The following HS3ST5 variants were observed in gnomAD, a reference collection of about 807,000 sequenced individuals.
HS3ST5 encodes heparan sulfate-glucosamine 3-sulfotransferase 5, also known as heparan sulfate glucosamine 3-O-sulfotransferase 5.
Under a neutral mutation model 25.4 loss-of-function variants are expected in HS3ST5, and 10 were observed. The observed-to-expected ratio is 0.39, with a 90% CI of 0.24 to 0.67. HS3ST5 has a LOEUF of 0.67. Among genes scored for constraint, HS3ST5 ranks in the 30% least tolerant of loss-of-function variants. The probability of loss-of-function intolerance (pLI) is 0.44; values close to 1 mark genes in which losing one functional copy is unlikely to be tolerated. For synonymous variants in HS3ST5, 170 were observed against 162.4 expected, an observed-to-expected ratio of 1.05 and a Z score of -0.36; for missense variants, 324 against 420.7, an observed-to-expected ratio of 0.77 and a Z score of 2.01.
intron 3 of HS3ST5, among the ~76,000 whole-genome samples, chr6:114,065,451 G>A (rs1242033511): frequency 6.6e-6 from 1 of 152,204 alleles, no homozygotes; most frequent in East Asian, 1.9e-4. Flanking sequence ...CTGTGTTCAA[G>A]TCCCCCAATT....
intron 1 of HS3ST5, among the ~76,000 whole-genome samples, chr6:114,240,029 C>T (rs1772036724): frequency 6.6e-6 from 1 of 151,734 alleles, no homozygotes; most frequent in African/African-American, 2.4e-5. Flanking sequence ...CACACACACA[C>T]ACACACCGCT....
At chr6:114,146,544 G>A (rs1778170581) in intron 3 of HS3ST5, among the ~76,000 whole-genome samples, 4 of 152,164 alleles carry the variant, frequency 2.6e-5, no homozygotes, top group Admixed American at 2.6e-4. Context: ...TGTCCACCAG[G>A]GTCTAAGCAG....
chr6:114,255,103 G>C (rs1772845157), intron 1 of HS3ST5, among the ~76,000 whole-genome samples: 1 of 152,186 alleles, frequency 6.6e-6, no homozygotes, highest in South Asian at 2.1e-4. Context: ...AAGCAAGCTA[G>C]TTACCTGCTA....
chr6:114,248,658 A>G (rs917411204), intron 1 of HS3ST5, among the ~76,000 whole-genome samples: 4 of 152,208 alleles, frequency 2.6e-5, no homozygotes, highest in Non-Finnish European at 5.9e-5. Flanking sequence ...TCACTGTATT[A>G]GGCTATAGGG....
intron 1 of HS3ST5, among the ~76,000 whole-genome samples, chr6:114,295,533 T>C (rs981258014): frequency 6.6e-6 from 1 of 152,190 alleles, no homozygotes; most frequent in Non-Finnish European, 1.5e-5. Flanking sequence ...AAGCTATATA[T>C]AAGAAACTGA....
At chr6:114,186,099 G>A (rs1020579451) in intron 2 of HS3ST5, among the ~76,000 whole-genome samples, 1 of 151,678 alleles carries the variant, frequency 6.6e-6, no homozygotes, top group African/African-American at 2.4e-5. Context: ...CTCTCCTTGG[G>A]CCTCCCTATT....
chr6:114,117,087 C>T (rs1776567767), intron 3 of HS3ST5, among the ~76,000 whole-genome samples: 2 of 152,112 alleles, frequency 1.3e-5, no homozygotes, highest in African/African-American at 2.4e-5. Context: ...TCCCCCTCCC[C>T]ATTCCGGCTG....
chr6:114,060,173 C>G (rs1483604120), intron 4 of HS3ST5, among the ~76,000 whole-genome samples: 1 of 152,058 alleles, frequency 6.6e-6, no homozygotes, highest in South Asian at 2.1e-4. Flanking sequence ...GCCACCATAC[C>G]CAGCTAATTT....
At chr6:114,122,858 A>G (rs1408036545) in intron 3 of HS3ST5, among the ~76,000 whole-genome samples, 4 of 152,240 alleles carry the variant, frequency 2.6e-5, no homozygotes, top group Non-Finnish European at 4.4e-5. Context: ...TCCAATCTGC[A>G]GTGATATTTA....
intron 2 of HS3ST5, among the ~76,000 whole-genome samples, chr6:114,184,858 G>A (rs2115031309): frequency 6.6e-6 from 1 of 152,272 alleles, no homozygotes; most frequent in South Asian, 2.1e-4. Context: ...GCCTTAATAG[G>A]TTTTGGACTT....
At chr6:114,286,687 A>G (rs909509659) in intron 1 of HS3ST5, among the ~76,000 whole-genome samples, 3 of 152,002 alleles carry the variant, frequency 2.0e-5, no homozygotes, top group African/African-American at 7.2e-5. Context: ...GTGACTTATT[A>G]AATTTTTTTC....
In HS3ST5 at chr6:114,341,256, AGAGAGT is replaced by A. The variant is rs1211204672; in HGVS notation, c.-339+933_-339+938del. 7.4e-5 allele frequency among the ~76,000 whole-genome samples: 11 copies of A among 149,612 alleles called. 1 individual carries two copies. The highest frequency in any genetic ancestry group is 1.2e-4 in the African/African-American group (5 of 40,650). Reference sequence around the variant, plus strand: ...GAGAGAGAGAGAGAGAGAGAGAGAGAGAGAGTGAGTCCCACCGGGTGAAGACAGGGT... The same window carrying A: ...GAGAGAGAGAGAGAGAGAGAGAGAGAGAGTCCCACCGGGTGAAGACAGGGT... On this transcript the variant is annotated intron_variant, in intron 1 of 4. Transcript: ENST00000312719.
Position 114,210,703 on chromosome 6 carries a change from C to T in HS3ST5, c.-145+17882G>A, listed in dbSNP as rs150987737. Among the ~76,000 whole-genome samples, 433 of 152,318 alleles carry T rather than the reference C, an allele frequency of 2.8e-3. 2 individuals carry two copies. The highest frequency in any genetic ancestry group is 0.01 in the African/African-American group (416 of 41,570). On this transcript the variant is annotated intron_variant, in intron 2 of 4. Transcript: ENST00000312719. ...TCAGACCAACTGCATTTAGATATAGCTCGCTCAGCATTTGCAATGAGCAGT... is the reference window on the plus strand; with the variant it reads ...TCAGACCAACTGCATTTAGATATAGTTCGCTCAGCATTTGCAATGAGCAGT...
chr6:114,201,817 A>G (rs538904925), intron 2 of HS3ST5, among the ~76,000 whole-genome samples: 1 of 152,290 alleles, frequency 6.6e-6, no homozygotes, highest in South Asian at 2.1e-4. Context: ...GAAACTTACA[A>G]TCAGGCAGAA....
At chr6:114,192,890 A>C (rs527820841) in intron 2 of HS3ST5, among the ~76,000 whole-genome samples, 1 of 152,292 alleles carries the variant, frequency 6.6e-6, no homozygotes, top group Admixed American at 6.5e-5. Context: ...ACAGAAAGTG[A>C]TTTTACTATT....
At chr6:114,158,527 A>T (rs1469556719) in intron 3 of HS3ST5, among the ~76,000 whole-genome samples, 1 of 152,106 alleles carries the variant, frequency 6.6e-6, no homozygotes, top group Admixed American at 6.6e-5. Flanking sequence ...GGAGGCAGGG[A>T]CTATTATTTT....
rs117588931 is a variant in HS3ST5, at chr6:114,299,618, G to A, written c.-339+42577C>T. ...ATTCTGTCCCTTTATTTCTCAACCCGGCTGACACTTAGGGAAAATAGAAAA... is the reference window on the plus strand; with the variant it reads ...ATTCTGTCCCTTTATTTCTCAACCCAGCTGACACTTAGGGAAAATAGAAAA... On this transcript the variant is annotated intron_variant, in intron 1 of 4. Transcript: ENST00000312719. 8.7e-4 allele frequency among the ~76,000 whole-genome samples: 132 copies of A among 152,062 alleles called. 2 individuals are homozygous for A. Among genetic ancestry groups the A allele is most frequent in the Admixed American group, 3.0e-3 (46 of 15,284 alleles).
chr6:114,217,605 C>T (rs555357718), intron 2 of HS3ST5, among the ~76,000 whole-genome samples: 1 of 152,272 alleles, frequency 6.6e-6, no homozygotes, highest in South Asian at 2.1e-4. Context: ...ATCTACTGAG[C>T]CTTACAATGT....
intron 3 of HS3ST5, among the ~76,000 whole-genome samples, chr6:114,128,416 G>A (rs1777155108): frequency 6.6e-6 from 1 of 152,170 alleles, no homozygotes; most frequent in African/African-American, 2.4e-5. Flanking sequence ...CATTATTTAT[G>A]TAACTAATGT....
Sources: gnomAD v4.1 joint callset for allele counts (sites outside exome capture counted in the v4.1 genomes callset) on GRCh38, gnomAD v4.1.1 for gene constraint, MANE v1.5 for transcripts, NCBI Gene and HGNC (gene_info 2026-07-23, HGNC 2026-07-21) for gene names.